DOCK9: variants seen among roughly 807,000 people sequenced by gnomAD.
DOCK9 encodes the protein dedicator of cytokinesis protein 9.
DOCK9 carries 89 observed loss-of-function variants against 263.3 expected under a neutral mutation model. That is an observed-to-expected ratio of 0.34 (90% CI 0.28 to 0.40). DOCK9 has a LOEUF of 0.40. DOCK9 is among the 10% of genes least tolerant of loss of function. The pLI is 1.00. For missense variants in DOCK9, 2,140 were observed against 2,603.4 expected (o/e 0.82, Z 3.87); for synonymous variants, 976 against 973.1 (o/e 1.00, Z -0.06).
intron 45 of DOCK9, among the ~76,000 whole-genome samples, chr13:98,823,016 A>G (rs965760817): frequency 6.6e-6 from 1 of 152,106 alleles, no homozygotes; most frequent in Non-Finnish European, 1.5e-5. Context: ...TATTTACAAT[A>G]CTAGATATGA....
intron 45 of DOCK9, among the ~76,000 whole-genome samples, chr13:98,813,422 T>C (rs1190180318): frequency 6.6e-6 from 1 of 152,160 alleles, no homozygotes; most frequent in African/African-American, 2.4e-5. Flanking sequence ...AAAAAAATTA[T>C]GAATAGATGT....
Position 98,850,221 on chromosome 13 carries a change from T to C in DOCK9, c.3947-108A>G, listed in dbSNP as rs985013026. 4 of 751,622 alleles carry C rather than the reference T, an allele frequency of 5.3e-6. No individual in the cohort carries two copies. In the African/African-American group the frequency reaches 7.3e-5, roughly 14 times the overall value. 46.6% of individuals were successfully genotyped at this position (751,622 alleles called of 1,614,324 possible). A position where few individuals can be genotyped will look rare whatever the true frequency, so the allele number is the denominator to read the frequency against. On this transcript the variant is annotated intron_variant, in intron 35 of 52. Coordinates refer to ENST00000682017, the MANE Select transcript of DOCK9 (RefSeq NM_001366683.2). ...CCTTGGAGTGTAGGCCTCTAAACCC[T>C]GGAGTGTAGGCCTCTAAACCCTTCC...
intron 39 of DOCK9, among the ~76,000 whole-genome samples, chr13:98,832,551 C>T (rs921257858): frequency 6.6e-6 from 1 of 152,144 alleles, no homozygotes; most frequent in African/African-American, 2.4e-5. Flanking sequence ...TCAAGATTTC[C>T]TCATGTCAGT....
In DOCK9 at chr13:98,880,550, C is replaced by T. The variant is rs989634304; in HGVS notation, c.2868G>A (p.Leu956=). The change falls in exon 26 of 53, where the codon CTG becomes CTA. Residue 956 remains leucine (L), a synonymous_variant. Coordinates refer to ENST00000682017, the MANE Select transcript of DOCK9 (RefSeq NM_001366683.2). ...CACACTGACTCTCCTGACATACCTTCAGTAGTTTGTTGCTGGTGAGGAAAT... is the reference window on the plus strand; with the variant it reads ...CACACTGACTCTCCTGACATACCTTTAGTAGTTTGTTGCTGGTGAGGAAAT... ...SADFLTSNKL[L]KYSWFFFDVL... The T allele has an allele frequency of 6.2e-7, 1 of 1,613,834 alleles. No homozygotes were observed.
intron 35 of DOCK9, 75 bp from the exon 36 acceptor site, chr13:98,850,188 G>A: frequency 1.8e-6 from 2 of 1,119,752 alleles, no homozygotes; most frequent in Non-Finnish European, 2.5e-6. Context: ...TGTGAAAATG[G>A]GAAGGAACCT....
intron 1 of DOCK9, among the ~76,000 whole-genome samples, chr13:99,080,912 A>C (rs1410908233): frequency 6.6e-6 from 1 of 152,212 alleles, no homozygotes; most frequent in Admixed American, 6.5e-5. Flanking sequence ...GCCCTGCCCC[A>C]GGGTCGGCCC....
chr13:99,079,743 A>G (rs989294537), intron 1 of DOCK9, among the ~76,000 whole-genome samples: 2 of 152,212 alleles, frequency 1.3e-5, no homozygotes, highest in African/African-American at 4.8e-5. Context: ...TTCATACTTC[A>G]AAAATCCCTC....
chr13:98,922,513 T>C (rs1474482580), intron 5 of DOCK9, among the ~76,000 whole-genome samples: 1 of 152,062 alleles, frequency 6.6e-6, no homozygotes, highest in Non-Finnish European at 1.5e-5. Flanking sequence ...CACTCCCCTA[T>C]AGTCAGAGGA....
At chr13:98,862,662 C>A (rs2141933437) in intron 32 of DOCK9, among the ~76,000 whole-genome samples, 1 of 151,390 alleles carries the variant, frequency 6.6e-6, no homozygotes, top group African/African-American at 2.4e-5. Context: ...GCACTCCAGC[C>A]TGGGCAACAG....
chr13:98,868,506 G>T, intron 27 of DOCK9, 129 bp from the exon 28 acceptor site: 1 of 1,088,506 alleles, frequency 9.2e-7, no homozygotes, highest in Non-Finnish European at 1.3e-6. Flanking sequence ...GCTCACACTT[G>T]TAACCCCAGC....
chr13:98,831,725 A>C lies in DOCK9; in HGVS notation c.4376T>G (p.Leu1459Arg). ...AGACTGATGTTTTTGAAGAAAACAC[A>C]GGTAGACATCAAAAACTTTTTTCAT... ...PLMKKVFDVY[L>R]CFLQKHQSET... Residue 1459 changes from leucine to arginine, a missense_variant, in exon 40 of 53, where the codon CTG becomes CGG. Leu to Arg is a moderately radical substitution (Grantham distance 102, BLOSUM62 -2). This residue lies in a region of DOCK9 where 619 missense variants were observed against 861.8 expected (regional missense o/e 0.72). Transcript: ENST00000682017. 5.0e-6 allele frequency: 8 copies of C among 1,614,038 alleles called. No individual in the cohort carries two copies. Among genetic ancestry groups the C allele is most frequent in the Non-Finnish European group, 6.8e-6 (8 of 1,179,880 alleles).
At chr13:98,872,888 C>T (rs993588522) in intron 27 of DOCK9, among the ~76,000 whole-genome samples, 6 of 152,210 alleles carry the variant, frequency 3.9e-5, no homozygotes, top group African/African-American at 1.4e-4. Context: ...GAATCTACAG[C>T]TGCATTTGTA....
At chr13:98,991,150 C>T (rs1002910966) in intron 1 of DOCK9, among the ~76,000 whole-genome samples, 43 of 152,022 alleles carry the variant, frequency 2.8e-4, no homozygotes, top group African/African-American at 9.9e-4. Flanking sequence ...TGGCTCACCA[C>T]AACCTCCGCC....
chr13:98,809,371 C>T lies in DOCK9; in HGVS notation c.5348G>A (p.Arg1783Gln), dbSNP rs2091076863. The T allele has an allele frequency of 6.2e-7, 1 of 1,613,640 alleles. No individual in the cohort carries two copies. The highest frequency in any genetic ancestry group is 8.5e-7 in the Non-Finnish European group (1 of 1,179,842). ...SGRRLLGTYFRVAFFGQGFFE... is the reference protein window; with the variant it reads ...SGRRLLGTYFQVAFFGQGFFE... ...GCTCACCTGCCCGAAGAAGGCTACC[C>T]GGAAGTAGGTCCCCAGAAGCCTGCG... The change falls in exon 47 of 53, where the codon CGG (arginine) becomes CAG (glutamine). Residue 1783 changes from arginine to glutamine, a missense_variant. Physicochemically the swap from Arg to Gln is conservative, Grantham distance 43. This residue lies in a region of DOCK9 where 619 missense variants were observed against 861.8 expected (regional missense o/e 0.72). Transcript: ENST00000682017.
intron 39 of DOCK9, 187 bp from the exon 40 acceptor site, chr13:98,831,973 T>TA (rs1281533238): frequency 5.8e-6 from 4 of 686,348 alleles, no homozygotes; most frequent in African/African-American, 5.4e-5. Flanking sequence ...TCAATACATT[T>TA]ATGTTTTGGG....
rs62637600 is a variant in DOCK9, at chr13:98,885,830, A to G, written c.2138T>C (p.Ile713Thr). ...HHQNPEFYDE[I>T]KIELPTQLHE... ...CAGCTGAGTGGGCAACTCTATTTTA[A>G]TCTGCAAGGGAAGACAAAATAACAA... is the stretch of plus-strand genomic sequence containing the variant. Residue 713 changes from isoleucine to threonine, a missense_variant and splice_region_variant, in exon 20 of 53, where the codon ATT (isoleucine) becomes ACT (threonine). Around this residue, in one of 2 missense-constraint regions of DOCK9, gnomAD observed 1,521 missense variants for 1,741.7 expected, o/e 0.87. Coordinates refer to ENST00000682017, the MANE Select transcript of DOCK9 (RefSeq NM_001366683.2). The G allele has an allele frequency of 2.5e-6, 4 of 1,601,504 alleles. No individual in the cohort carries two copies. Among genetic ancestry groups the G allele is most frequent in the Middle Eastern group, 1.7e-4 (1 of 6,050 alleles).
chr13:98,837,505 A>G lies in DOCK9; in HGVS notation c.4303T>C (p.Leu1435=), dbSNP rs1594527934. Residue 1435 remains leucine, a synonymous_variant, in exon 39 of 53, where the codon TTG becomes CTG. Transcript: ENST00000682017. ...AAATTGATACAAACCTTAAACGCCA[A>G]TGTAAATAGAGAAAGCGTGTCCAGA... ...TALDTLSLFT[L]AFKNQLLADH... is the part of the protein sequence containing the mutation. The G allele has an allele frequency of 2.5e-6, 4 of 1,611,724 alleles. No individual in the cohort carries two copies. The highest frequency in any genetic ancestry group is 2.7e-5 in the African/African-American group (2 of 74,862).
At chr13:99,050,255 A>T (rs1330977772) in intron 1 of DOCK9, among the ~76,000 whole-genome samples, 1 of 152,184 alleles carries the variant, frequency 6.6e-6, no homozygotes, top group Non-Finnish European at 1.5e-5. Context: ...CCTAGAGTTC[A>T]TTCCATATTT....
chr13:98,878,204 C>T (rs2044169753), intron 27 of DOCK9, among the ~76,000 whole-genome samples: 1 of 152,190 alleles, frequency 6.6e-6, no homozygotes, highest in Non-Finnish European at 1.5e-5. Context: ...GGACTTTCAG[C>T]ATCTCAATTG....
Sources: allele counts gnomAD v4.1 joint callset (sites outside exome capture counted in the v4.1 genomes callset), GRCh38; gene constraint gnomAD v4.1.1; regional missense constraint gnomAD v4.1.1; transcripts MANE v1.5; gene names NCBI Gene and HGNC (gene_info 2026-07-23, HGNC 2026-07-21).